Variants in TMEM132B observed in about 807,000 individuals in gnomAD.
The protein encoded by TMEM132B is transmembrane protein 132B.
A neutral mutation model predicts 90.8 loss-of-function variants in TMEM132B; 18 were observed. The observed-to-expected ratio is 0.20, with a 90% confidence interval of 0.14 to 0.29. The LOEUF (loss-of-function observed/expected upper bound fraction) is 0.29, where lower values mean the gene tolerates loss of function less well. TMEM132B is among the 10% of genes least tolerant of loss of function. TMEM132B has a pLI of 1.00. For missense variants in TMEM132B, 1,096 were observed against 1,326.8 expected (o/e 0.83, Z 2.70); for synonymous variants, 504 against 523.3 (o/e 0.96, Z 0.50).
chr12:125,606,500 CACATGTGT>C, intron 5 of TMEM132B, among the ~76,000 whole-genome samples: 1 of 152,288 alleles, frequency 6.6e-6, no homozygotes, highest in Non-Finnish European at 1.5e-5. Context: ...GGCCAGAATG[CACATGTGT>C]GCATGTGTGC....
intron 2 of TMEM132B, among the ~76,000 whole-genome samples, chr12:125,384,092 G>A (rs560714191): frequency 3.3e-5 from 5 of 152,016 alleles, no homozygotes; most frequent in East Asian, 1.9e-4. Flanking sequence ...GATTACAGGC[G>A]TGTGCCACCA....
intron 1 of TMEM132B, among the ~76,000 whole-genome samples, chr12:125,324,699 C>T (rs1876515662): frequency 1.3e-5 from 2 of 152,180 alleles, no homozygotes; most frequent in African/African-American, 4.8e-5. Context: ...TGACGTGAAA[C>T]AGTTTCATCC....
rs548254830 is a variant in TMEM132B at position 125,243,703 on chromosome 12, TC to T, written c.67+56843del. Among the ~76,000 whole-genome samples the T allele has an allele frequency of 3.0e-3, 464 of 152,228 alleles. 11 individuals are homozygous for T. The highest frequency in any genetic ancestry group is 0.023 in the Admixed American group (346 of 15,298). Reference sequence around the variant, plus strand: ...CCAATAGGTAGTTTTTCCAGCCCTTTCCCCCCATCCCTCTTCCGTCATAGTC... The same window carrying T: ...CCAATAGGTAGTTTTTCCAGCCCTTTCCCCCATCCCTCTTCCGTCATAGTC... On this transcript the variant is annotated intron_variant, in intron 1 of 8. Coordinates refer to ENST00000682704, the MANE Select transcript of TMEM132B (RefSeq NM_001366854.1).
intron 5 of TMEM132B, among the ~76,000 whole-genome samples, chr12:125,592,697 C>T (rs922581912): frequency 6.6e-6 from 1 of 152,144 alleles, no homozygotes; most frequent in Admixed American, 6.5e-5. Flanking sequence ...CTACAAAACT[C>T]TATATGATCA....
chr12:125,421,608 CA>C (rs2136377229), intron 3 of TMEM132B, among the ~76,000 whole-genome samples: 2 of 152,340 alleles, frequency 1.3e-5, no homozygotes, highest in South Asian at 4.1e-4. Context: ...CAAACCATAT[CA>C]GCTACCATAT....
At position 125,252,575 on chromosome 12, in the gene TMEM132B, G is replaced by A. The variant is rs941650999; in HGVS notation, c.67+65709G>A. Among the ~76,000 whole-genome samples the A allele has an allele frequency of 2.6e-5, 4 of 152,324 alleles. No individual in the cohort carries two copies. The East Asian group carries it at 7.7e-4, about 29-fold the overall frequency. On this transcript the variant is annotated intron_variant, in intron 1 of 8. Transcript: ENST00000682704. ...CAAACCTGGCCAACTCCACGGGTGG[G>A]AAATGTCATGTGACTCCCACAGTTC...
intron 3 of TMEM132B, among the ~76,000 whole-genome samples, chr12:125,473,595 C>T (rs1412443941): frequency 6.6e-6 from 1 of 152,156 alleles, no homozygotes; most frequent in Non-Finnish European, 1.5e-5. Context: ...CTGTATTGGG[C>T]CAGTCAACAG....
chr12:125,245,640 T>C (rs1251349682), intron 1 of TMEM132B, among the ~76,000 whole-genome samples: 1 of 152,046 alleles, frequency 6.6e-6, no homozygotes, highest in African/African-American at 2.4e-5. Context: ...CTGTGAAATG[T>C]TTGACGGTTC....
intron 1 of TMEM132B, among the ~76,000 whole-genome samples, chr12:125,267,446 A>G (rs1169607529): frequency 6.6e-6 from 1 of 152,170 alleles, no homozygotes; most frequent in Non-Finnish European, 1.5e-5. Context: ...GGGAAAGGTA[A>G]TCTCCGACCT....
At chr12:125,305,998 T>C (rs1875949132) in intron 1 of TMEM132B, among the ~76,000 whole-genome samples, 1 of 152,220 alleles carries the variant, frequency 6.6e-6, no homozygotes, top group African/African-American at 2.4e-5. Context: ...ACAGCTGTTG[T>C]CTAAGTGGAG....
intron 3 of TMEM132B, among the ~76,000 whole-genome samples, chr12:125,511,053 A>G (rs1882964020): frequency 6.6e-6 from 1 of 152,208 alleles, no homozygotes; most frequent in Non-Finnish European, 1.5e-5. Context: ...AGTAGCAGTC[A>G]CTTCCCATTC....
At position 125,506,570 on chromosome 12, in the gene TMEM132B, T is replaced by A. The variant is rs1419696373; in HGVS notation, c.1107-12869T>A. The stretch of plus-strand genomic sequence containing the variant: ...TAATGGAGTTAAAAGTAAAAAAAAA[T>A]TATATTTCTATGTAACTTATGGCTC... On this transcript the variant is annotated intron_variant, in intron 3 of 8. Transcript: ENST00000682704. Among the ~76,000 whole-genome samples the A allele has an allele frequency of 2.0e-5, 3 of 152,176 alleles. No homozygotes were observed. In the East Asian group the frequency reaches 5.8e-4, roughly 29 times the overall value.
chr12:125,459,037 C>T lies in TMEM132B; in HGVS notation c.1106+43360C>T, dbSNP rs1251861639. On this transcript the variant is annotated intron_variant, in intron 3 of 8. Transcript: ENST00000682704. This position sits in a 1 kb window ranked among gnomAD's most constrained non-coding sequence, Gnocchi z 4.1. ...TGCAATTAGCATCTTCGGGTGACATCACCATTTGTCCACAGCAAAGCCCCT... is the reference window on the plus strand; with the variant it reads ...TGCAATTAGCATCTTCGGGTGACATTACCATTTGTCCACAGCAAAGCCCCT... 6.6e-6 allele frequency among the ~76,000 whole-genome samples: 1 copy of T among 152,212 alleles called. No homozygotes were observed. Among genetic ancestry groups the T allele is most frequent in the Non-Finnish European group, 1.5e-5 (1 of 68,040 alleles).
intron 1 of TMEM132B, among the ~76,000 whole-genome samples, chr12:125,286,573 G>T (rs1259094304): frequency 6.6e-6 from 1 of 152,098 alleles, no homozygotes; most frequent in Non-Finnish European, 1.5e-5. Flanking sequence ...CACCAATTTA[G>T]TGGATTAAAA....
intron 1 of TMEM132B, among the ~76,000 whole-genome samples, chr12:125,208,831 T>C (rs1375500507): frequency 6.6e-6 from 1 of 152,142 alleles, no homozygotes; most frequent in African/African-American, 2.4e-5. Context: ...ATTTCAGCTT[T>C]GTGTCCAGGG....
At chr12:125,440,496 G>A (rs1166218190) in intron 3 of TMEM132B, among the ~76,000 whole-genome samples, 1 of 152,156 alleles carries the variant, frequency 6.6e-6, no homozygotes, top group Non-Finnish European at 1.5e-5. Context: ...TGAATTTGAT[G>A]CATTTTGATG....
intron 4 of TMEM132B, among the ~76,000 whole-genome samples, chr12:125,550,154 TTGACTC>T (rs1884187794): frequency 6.6e-6 from 1 of 152,206 alleles, no homozygotes; most frequent in South Asian, 2.1e-4. Context: ...TCCAGTGAGT[TTGACTC>T]TGCTTACTAG....
intron 1 of TMEM132B, among the ~76,000 whole-genome samples, chr12:125,202,110 T>G (rs1873076853): frequency 6.6e-6 from 1 of 152,184 alleles, no homozygotes; most frequent in Non-Finnish European, 1.5e-5. Context: ...ACGTCCCATC[T>G]CTCAGGCCTC....
intron 1 of TMEM132B, among the ~76,000 whole-genome samples, chr12:125,205,481 A>T (rs1005378248): frequency 3.3e-5 from 5 of 152,034 alleles, no homozygotes; most frequent in Non-Finnish European, 7.4e-5. Context: ...GTATCTTGTG[A>T]ATCCTTTCAG....
Sources: allele counts gnomAD v4.1 joint callset (sites outside exome capture counted in the v4.1 genomes callset), GRCh38; gene constraint gnomAD v4.1.1; non-coding constraint Gnocchi (gnomAD v3.1); transcripts MANE v1.5; gene names NCBI Gene and HGNC (gene_info 2026-07-23, HGNC 2026-07-21).